The following ITIH5 variants were observed in gnomAD, a reference collection of about 807,000 sequenced individuals.
ITIH5 encodes the protein inter-alpha-trypsin inhibitor heavy chain 5.
A neutral mutation model predicts 77.5 loss-of-function variants in ITIH5; 65 were observed. The ratio of observed to expected loss-of-function variants is 0.84; its 90% confidence interval spans 0.69 to 1.03. ITIH5 has a LOEUF of 1.03. ITIH5 is among the 50% of genes least tolerant of loss of function. ITIH5 has a pLI of 0.00. For missense variants in ITIH5, 1,208 were observed against 1,213.1 expected (o/e 1.00, Z 0.06); for synonymous variants, 525 against 494.3 (o/e 1.06, Z -0.82).
intron 5 of ITIH5, among the ~76,000 whole-genome samples, chr10:7,627,751 G>GT (rs1833607574): frequency 6.8e-6 from 1 of 147,852 alleles, no homozygotes; most frequent in Admixed American, 6.7e-5. Flanking sequence ...GAGGAAGGGA[G>GT]ATTCTAACCA....
intron 7 of ITIH5, among the ~76,000 whole-genome samples, chr10:7,589,759 A>T (rs752292529): frequency 4.4e-4 from 67 of 151,892 alleles, no homozygotes; most frequent in Non-Finnish European, 6.8e-4. Context: ...AATACGTCAA[A>T]GTATCCCATG....
At chr10:7,576,410 A>G in intron 10 of ITIH5, 43 bp downstream of exon 10, 1 of 1,455,040 alleles carries the variant, frequency 6.9e-7, no homozygotes. Flanking sequence ...GTGGTATCTC[A>G]GGCCCGCGTC....
Position 7,617,114 on chromosome 10 carries a change from T to C in ITIH5, c.821A>G (p.Gln274Arg), listed in dbSNP as rs1297078833. 8 of 1,538,346 alleles carry C rather than the reference T, an allele frequency of 5.2e-6. No individual in the cohort carries two copies. The highest frequency in any genetic ancestry group is 7.0e-6 in the Non-Finnish European group (8 of 1,148,472). The change falls in exon 6 of 14, where the codon CAG becomes CGG. Residue 274 changes from glutamine to arginine, a missense_variant and splice_region_variant. Transcript: ENST00000397146. Reference protein sequence around the residue: ...VNREQSIGDIQVLNGYFVHYF... With the variant: ...VNREQSIGDIRVLNGYFVHYF... ...AAATAGCAACGACGATCCTATTACC[T>C]GGATGTCCCCAATGCTCTGTTCTCT...
At chr10:7,574,416 C>T (rs1832364646) in intron 10 of ITIH5, among the ~76,000 whole-genome samples, 1 of 151,932 alleles carries the variant, frequency 6.6e-6, no homozygotes, top group African/African-American at 2.4e-5. Flanking sequence ...TGGCAGCTGC[C>T]ACCAACTCTC....
intron 5 of ITIH5, among the ~76,000 whole-genome samples, chr10:7,631,310 C>T (rs7905826): frequency 0.08 from 12,100 of 152,196 alleles, 588 homozygotes; most frequent in Non-Finnish European, 0.11. Flanking sequence ...GCAATGGAGC[C>T]GTCAAACCAC....
intron 5 of ITIH5, among the ~76,000 whole-genome samples, chr10:7,624,495 G>A (rs191550902): frequency 0.018 from 2,558 of 139,794 alleles, 32 homozygotes; most frequent in Admixed American, 0.024. Flanking sequence ...CAACAAGAGC[G>A]AAACTCCATC....
chr10:7,563,089 C>A lies in ITIH5; in HGVS notation c.2823G>T (p.Glu941Asp). The A allele has an allele frequency of 4.3e-6, 7 of 1,612,690 alleles. No individual in the cohort carries two copies. Among genetic ancestry groups the A allele is most frequent in the Non-Finnish European group, 5.9e-6 (7 of 1,179,550 alleles). Residue 941 changes from glutamate (E) to aspartate (D), a missense_variant, in exon 14 of 14, where the codon GAG (glutamate) becomes GAT (aspartate). Coordinates refer to ENST00000397146, the MANE Select transcript of ITIH5 (RefSeq NM_030569.7). ...GMTLGRGMSR[E>D]L The stretch of plus-strand genomic sequence containing the variant: ...ATCTTTAAGGCTGCCAGCTTCAGAG[C>A]TCCCTGGACATTCCCCGGCCAAGTG...
chr10:7,580,202 C>T (rs1347886272), intron 8 of ITIH5, 138 bp from the exon 9 acceptor site: 1 of 700,780 alleles, frequency 1.4e-6, no homozygotes, highest in Non-Finnish European at 2.4e-6. Context: ...CTCACTGCAA[C>T]CTCCGCCTCC....
At chr10:7,594,830 G>A (rs1342076570) in intron 7 of ITIH5, among the ~76,000 whole-genome samples, 1 of 152,186 alleles carries the variant, frequency 6.6e-6, no homozygotes. Context: ...GGATCAGGAA[G>A]AGGCAGGAAC....
chr10:7,636,267 T>G (rs1833796938), intron 5 of ITIH5, among the ~76,000 whole-genome samples: 1 of 152,180 alleles, frequency 6.6e-6, no homozygotes, highest in Admixed American at 6.5e-5. Flanking sequence ...AATCAGAATT[T>G]GAGAAAATTT....
intron 5 of ITIH5, among the ~76,000 whole-genome samples, chr10:7,623,824 A>AG (rs397804277): frequency 6.6e-6 from 1 of 151,018 alleles, no homozygotes; most frequent in Non-Finnish European, 1.5e-5. Context: ...AAAAAAAAAA[A>AG]TACCTTCATA....
intron 13 of ITIH5, among the ~76,000 whole-genome samples, chr10:7,564,173 T>G (rs906198622): frequency 1.3e-5 from 2 of 152,216 alleles, no homozygotes; most frequent in Non-Finnish European, 2.9e-5. Flanking sequence ...GACCCTCAGG[T>G]GACTACATTT....
intron 5 of ITIH5, chr10:7,621,973 G>C (rs185612739): frequency 6.6e-6 from 1 of 152,134 alleles, no homozygotes; most frequent in South Asian, 2.1e-4. Context: ...TTCCTCCTTC[G>C]TGTTCTCTCC....
chr10:7,621,353 A>G (rs567647298), intron 5 of ITIH5: 1 of 152,250 alleles, frequency 6.6e-6, no homozygotes, highest in African/African-American at 2.4e-5. Flanking sequence ...TAGAAAGTAT[A>G]ATTTCTCTGT....
chr10:7,656,757 T>C (rs1834190352), intron 1 of ITIH5, among the ~76,000 whole-genome samples: 1 of 150,694 alleles, frequency 6.6e-6, no homozygotes, highest in Non-Finnish European at 1.5e-5. Context: ...TTTTTTTTTT[T>C]TTTTTTGAGA....
At chr10:7,575,974 GTCTAC>G (rs1185959549) in intron 10 of ITIH5, among the ~76,000 whole-genome samples, 2 of 152,144 alleles carry the variant, frequency 1.3e-5, no homozygotes, top group Non-Finnish European at 2.9e-5. Context: ...ACATACAACA[GTCTAC>G]AATACTCCCT....
intron 7 of ITIH5, among the ~76,000 whole-genome samples, chr10:7,592,682 TAACTCGGAG>T (rs780232155): frequency 5.4e-4 from 82 of 152,166 alleles, no homozygotes; most frequent in Non-Finnish European, 1.1e-3. Flanking sequence ...TGATGATCAA[TAACTCGGAG>T]AACTGCACTC....
In ITIH5 at chr10:7,629,637, G is replaced by C. The variant is rs558563171; in HGVS notation, c.652+7591C>G. On this transcript the variant is annotated intron_variant, in intron 5 of 13. Coordinates refer to ENST00000397146, the MANE Select transcript of ITIH5 (RefSeq NM_030569.7). The stretch of plus-strand genomic sequence containing the variant: ...TGTTGCAGCGTGTGTCTGTGTTGTG[G>C]CATGTATCTGTGTTTCATTCCTTTT... 2.0e-4 allele frequency among the ~76,000 whole-genome samples: 31 copies of C among 152,222 alleles called. 1 individual carries two copies. Among genetic ancestry groups the C allele is most frequent in the Non-Finnish European group, 3.8e-4 (26 of 68,042 alleles).
At chr10:7,565,093 C>T (rs1832119535) in intron 13 of ITIH5, among the ~76,000 whole-genome samples, 1 of 146,080 alleles carries the variant, frequency 6.8e-6, no homozygotes, top group African/African-American at 2.5e-5. Flanking sequence ...TACACACACA[C>T]ACACACATAC....
Sources: gnomAD v4.1 joint callset for allele counts (sites outside exome capture counted in the v4.1 genomes callset) on GRCh38, gnomAD v4.1.1 for gene constraint, MANE v1.5 for transcripts, NCBI Gene and HGNC (gene_info 2026-07-23, HGNC 2026-07-21) for gene names.